Variants in GAD2 observed in about 807,000 individuals in gnomAD.
GAD2 encodes 65 kDa glutamic acid decarboxylase.
Under a neutral mutation model 80.1 loss-of-function variants are expected in GAD2, and 22 were observed. The observed-to-expected ratio is 0.27, with a 90% CI of 0.20 to 0.39. The LOEUF (loss-of-function observed/expected upper bound fraction) is 0.39, where lower values mean the gene tolerates loss of function less well. GAD2 is among the 10% of genes least tolerant of loss of function. The pLI, the probability that GAD2 is intolerant of heterozygous loss-of-function variation, is 1.00. For synonymous variants in GAD2, 274 were observed against 256.9 expected (o/e 1.07, Z -0.64); for missense variants, 624 against 738.4 (o/e 0.85, Z 1.80).
Position 26,301,309 on chromosome 10 carries a change from A to C in GAD2, c.*348A>C, listed in dbSNP as rs1485589376. ...AGTGCCAAATTGCCCCTGAATCATA[A>C]AAGGTTCTTTGGGGTGCAGTAAAAA... On this transcript the variant is annotated 3_prime_UTR_variant, in exon 16 of 16. Coordinates refer to ENST00000376261, the MANE Select transcript of GAD2 (RefSeq NM_001134366.2). 2 of 164,136 alleles carry C rather than the reference A, an allele frequency of 1.2e-5. No individual in the cohort carries two copies. Among genetic ancestry groups the C allele is most frequent in the Admixed American group, 1.2e-4 (2 of 16,338 alleles). The allele number at this position is 164,136 out of a possible 1,614,324, so 10.2% of individuals were successfully genotyped here.
At chr10:26,238,045 CACAA>C (rs1477233856) in intron 7 of GAD2, among the ~76,000 whole-genome samples, 7 of 144,432 alleles carry the variant, frequency 4.8e-5, no homozygotes, top group South Asian at 2.2e-4. Context: ...CACACACACA[CACAA>C]GAAAAGAAAG....
Position 26,286,569 on chromosome 10 carries a change from A to G in GAD2, c.1386+75A>G, listed in dbSNP as rs1459295426. ...CTGGTGACCCCATTATGAAATGTCA[A>G]AAAAGTGATTTCCAAATTGAAATTT... is the stretch of plus-strand genomic sequence containing the variant. On this transcript the variant is annotated intron_variant, in intron 13 of 15. Transcript: ENST00000376261. 8 of 1,391,392 alleles carry G rather than the reference A, an allele frequency of 5.7e-6. No individual in the cohort carries two copies. In the East Asian group the frequency reaches 1.9e-4, roughly 32 times the overall value. The allele number at this position is 1,391,392 out of a possible 1,614,324, so 86.2% of individuals were successfully genotyped here.
At chr10:26,237,376 C>A (rs149046308) in intron 7 of GAD2, among the ~76,000 whole-genome samples, 73 of 152,258 alleles carry the variant, frequency 4.8e-4, no homozygotes, top group African/African-American at 1.7e-3. Context: ...TCGTCTCCTC[C>A]TCATCTGTAA....
intron 12 of GAD2, among the ~76,000 whole-genome samples, chr10:26,285,653 AT>A (rs925942154): frequency 6.6e-6 from 1 of 152,224 alleles, no homozygotes; most frequent in African/African-American, 2.4e-5. Flanking sequence ...CCACTTATCT[AT>A]CTCAAGGAAC....
At chr10:26,251,071 T>C (rs1318755705) in intron 8 of GAD2, among the ~76,000 whole-genome samples, 2 of 149,378 alleles carry the variant, frequency 1.3e-5, no homozygotes, top group Non-Finnish European at 1.5e-5. Flanking sequence ...TTTTTTTTTT[T>C]TGTATTTTTT....
chr10:26,224,027 A>G (rs1844488194), intron 5 of GAD2, 50 bp downstream of exon 5: 1 of 1,286,612 alleles, frequency 7.8e-7, no homozygotes, highest in Non-Finnish European at 1.1e-6. Flanking sequence ...TATTAGTGAC[A>G]TTCCATAGTC....
intron 4 of GAD2, among the ~76,000 whole-genome samples, chr10:26,220,328 T>C (rs767203558): frequency 1.1e-4 from 17 of 152,222 alleles, no homozygotes; most frequent in Non-Finnish European, 1.6e-4. Flanking sequence ...CGTCATCTTT[T>C]TAGATTGCAA....
chr10:26,226,889 A>G (rs1431725785), intron 6 of GAD2, among the ~76,000 whole-genome samples: 1 of 152,266 alleles, frequency 6.6e-6, no homozygotes, highest in Non-Finnish European at 1.5e-5. Flanking sequence ...CACAAAGCAC[A>G]AAGACTAAAG....
At chr10:26,245,610 T>C (rs998479035) in intron 7 of GAD2, among the ~76,000 whole-genome samples, 2 of 151,976 alleles carry the variant, frequency 1.3e-5, no homozygotes, top group Non-Finnish European at 2.9e-5. Flanking sequence ...GCTAATTTTT[T>C]TTTTTGTATT....
At chr10:26,240,724 T>C (rs1844730508) in intron 7 of GAD2, among the ~76,000 whole-genome samples, 1 of 137,950 alleles carries the variant, frequency 7.2e-6, no homozygotes. Context: ...AGAGTGAGAC[T>C]CCATCACAAA....
intron 15 of GAD2, among the ~76,000 whole-genome samples, chr10:26,299,046 C>T (rs529894307): frequency 6.6e-6 from 1 of 152,308 alleles, no homozygotes; most frequent in African/African-American, 2.4e-5. Context: ...GATATAAGAA[C>T]TCAATGTAGA....
intron 15 of GAD2, among the ~76,000 whole-genome samples, chr10:26,297,511 C>G (rs1834287597): frequency 6.6e-6 from 1 of 152,148 alleles, no homozygotes; most frequent in African/African-American, 2.4e-5. Flanking sequence ...TTAAGGCAGG[C>G]CCAAAGAGCT....
Position 26,217,257 on chromosome 10 carries a change from TTTCTTTATCTAGAAAGACAG to T in GAD2, c.77-351_77-332del, listed in dbSNP as rs1291121905. On this transcript the variant is annotated intron_variant, in intron 1 of 15. Transcript: ENST00000376261. The surrounding 1 kb of genome is among the most constrained non-coding windows in gnomAD (Gnocchi z 4.9). ...AAAAAAAAATGGGAAAGGTGAGAGA[TTTCTTTATCTAGAAAGACAG>T]TCTGCGAAAAAATGGATAGCTTCAG... is the stretch of plus-strand genomic sequence containing the variant. Among the ~76,000 whole-genome samples the T allele has an allele frequency of 6.6e-6, 1 of 150,472 alleles. No homozygotes were observed. The highest frequency in any genetic ancestry group is 1.9e-4 in the East Asian group (1 of 5,160).
chr10:26,240,852 C>T (rs1304497207), intron 7 of GAD2, among the ~76,000 whole-genome samples: 7 of 151,886 alleles, frequency 4.6e-5, no homozygotes, highest in Non-Finnish European at 1.0e-4. Context: ...CTGGCTAACG[C>T]GGTGAAACCC....
intron 8 of GAD2, 46 bp downstream of exon 8, chr10:26,246,046 C>A: frequency 6.6e-7 from 1 of 1,516,246 alleles, no homozygotes; most frequent in Non-Finnish European, 9.1e-7. Flanking sequence ...TTTGCAAATT[C>A]CACACAAGTA....
chr10:26,243,036 C>CA (rs202046614), intron 7 of GAD2, among the ~76,000 whole-genome samples: 1 of 136,514 alleles, frequency 7.3e-6, no homozygotes, highest in Admixed American at 6.8e-5. Flanking sequence ...GCCAAATGCA[C>CA]AAAAAACCCC....
intron 12 of GAD2, among the ~76,000 whole-genome samples, chr10:26,284,734 T>C (rs1845311285): frequency 6.6e-6 from 1 of 151,922 alleles, no homozygotes; most frequent in Middle Eastern, 3.2e-3. Context: ...ACCGCCCAGC[T>C]AATTTTTTGT....
At chr10:26,286,596 C>T in intron 13 of GAD2, 102 bp downstream of exon 13, 8 of 1,209,418 alleles carry the variant, frequency 6.6e-6, no homozygotes, top group East Asian at 2.8e-5. Flanking sequence ...TTGAAATTTC[C>T]TTACCCAAGA....
chr10:26,286,462 G>A lies in GAD2; in HGVS notation c.1354G>A (p.Val452Ile). ...KALQCGRHVD[V>I]FKLWLMWRAK... Reference sequence around the variant, plus strand: ...CTTACAGTGCGGACGCCACGTTGATGTTTTTAAACTATGGCTGATGTGGAG... The same window carrying A: ...CTTACAGTGCGGACGCCACGTTGATATTTTTAAACTATGGCTGATGTGGAG... The change falls in exon 13 of 16, where the codon GTT becomes ATT. Residue 452 changes from valine (V) to isoleucine (I), a missense_variant. Transcript: ENST00000376261. 6.2e-7 allele frequency: 1 copy of A among 1,613,734 alleles called. No homozygotes were observed. The highest frequency in any genetic ancestry group is 8.5e-7 in the Non-Finnish European group (1 of 1,179,868).
Sources: gnomAD v4.1 joint callset for allele counts (sites outside exome capture counted in the v4.1 genomes callset) on GRCh38, gnomAD v4.1.1 for gene constraint, Gnocchi (gnomAD v3.1) non-coding constraint, MANE v1.5 for transcripts, NCBI Gene and HGNC (gene_info 2026-07-23, HGNC 2026-07-21) for gene names.